The following CFTR variants were observed in gnomAD, a reference collection of about 807,000 sequenced individuals.
CFTR encodes the protein CF transmembrane conductance regulator.
In CFTR, 181 loss-of-function variants were observed where a neutral mutation model predicts 171.6. The ratio of observed to expected loss-of-function variants is 1.05; its 90% CI spans 0.93 to 1.19. CFTR has a LOEUF of 1.19. Ranked by LOEUF, CFTR falls within the 50% of genes most tolerant of loss-of-function variation. The pLI, the probability that CFTR is intolerant of heterozygous loss-of-function variation, is 0.00. For missense variants in CFTR, 1,968 were observed against 1,734.7 expected, an observed-to-expected ratio of 1.13 and a Z score of -2.39; for synonymous variants, 583 against 608.0, an observed-to-expected ratio of 0.96 and a Z score of 0.60.
At position 117,667,175 on chromosome 7, in the gene CFTR, A is replaced by G. The variant is rs1005946605; in HGVS notation, c.*67A>G. ...TTGGAGCTCGTGGGACAGTCACCTC[A>G]TGGAATTGGAGCTCGTGGAACAGTT... On this transcript the variant is annotated 3_prime_UTR_variant, in exon 27 of 27. Coordinates refer to ENST00000003084, the MANE Select transcript of CFTR (RefSeq NM_000492.4). 7.2e-7 allele frequency: 1 copy of G among 1,394,534 alleles called. No individual in the cohort carries two copies. Among genetic ancestry groups the G allele is most frequent in the Non-Finnish European group, 1.0e-6 (1 of 989,108 alleles). The allele number at this position is 1,394,534 out of a possible 1,614,324, so 86.4% of individuals were successfully genotyped here.
At chr7:117,635,475 ATATT>A (rs1446343532) in intron 22 of CFTR, among the ~76,000 whole-genome samples, 1 of 152,086 alleles carries the variant, frequency 6.6e-6, no homozygotes, top group Non-Finnish European at 1.5e-5. Context: ...AACATCTACT[ATATT>A]TATTACTGTT....
At chr7:117,577,121 A>C (rs757023250) in intron 11 of CFTR, among the ~76,000 whole-genome samples, 1 of 152,160 alleles carries the variant, frequency 6.6e-6, no homozygotes, top group Non-Finnish European at 1.5e-5. Context: ...CAGATGAAGT[A>C]GAGGACAGGC....
intron 21 of CFTR, among the ~76,000 whole-genome samples, chr7:117,621,386 G>A (rs1022389528): frequency 2.6e-5 from 4 of 152,124 alleles, no homozygotes; most frequent in Admixed American, 6.5e-5. Context: ...GGGCTGTATC[G>A]TCTTTATGAC....
intron 22 of CFTR, 66 bp from the exon 23 acceptor site, chr7:117,642,372 C>A: frequency 7.1e-7 from 1 of 1,417,160 alleles, no homozygotes; most frequent in Non-Finnish European, 1.0e-6. Context: ...AAGTACAATA[C>A]TGAATTATGT....
chr7:117,539,568 T>A (rs935783539), intron 7 of CFTR, among the ~76,000 whole-genome samples: 17 of 152,218 alleles, frequency 1.1e-4, no homozygotes, highest in African/African-American at 4.1e-4. Context: ...CACTTCTCTG[T>A]AGCTTATATG....
At chr7:117,653,830 C>A (rs577153189) in intron 24 of CFTR, among the ~76,000 whole-genome samples, 60 of 152,246 alleles carry the variant, frequency 3.9e-4, no homozygotes, top group African/African-American at 1.4e-3. Context: ...TAGAGTGGGA[C>A]TTAAGGTGTG....
chr7:117,593,545 T>C (rs1792069822), intron 14 of CFTR, among the ~76,000 whole-genome samples: 1 of 152,216 alleles, frequency 6.6e-6, no homozygotes, highest in South Asian at 2.1e-4. Context: ...TTCTAAACTT[T>C]ATGAAGGTTT....
chr7:117,626,716 T>C (rs1792656457), intron 21 of CFTR, among the ~76,000 whole-genome samples: 1 of 152,128 alleles, frequency 6.6e-6, no homozygotes, highest in Non-Finnish European at 1.5e-5. Flanking sequence ...ACTTATTATA[T>C]GCCAAGTTGT....
At chr7:117,630,522 C>T (rs1792724924) in intron 22 of CFTR, among the ~76,000 whole-genome samples, 1 of 152,098 alleles carries the variant, frequency 6.6e-6, no homozygotes, top group Non-Finnish European at 1.5e-5. Flanking sequence ...ATGAGTAGAG[C>T]AGGATTTTAT....
chr7:117,642,001 A>G (rs1284359672), intron 22 of CFTR, among the ~76,000 whole-genome samples: 2 of 152,174 alleles, frequency 1.3e-5, no homozygotes, highest in African/African-American at 4.8e-5. Context: ...TCAACATCTA[A>G]ATATTAGAAC....
chr7:117,634,978 G>A (rs887665802), intron 22 of CFTR, among the ~76,000 whole-genome samples: 4 of 152,030 alleles, frequency 2.6e-5, no homozygotes, highest in Non-Finnish European at 5.9e-5. Flanking sequence ...TTGATTGATG[G>A]TGCTGTTGAA....
chr7:117,534,222 A>C, intron 4 of CFTR, 54 bp from the exon 5 acceptor site: 1 of 806,198 alleles, frequency 1.2e-6, no homozygotes, highest in Non-Finnish European at 2.1e-6. Flanking sequence ...TTTTACTTAT[A>C]ATATATTTGT....
intron 2 of CFTR, among the ~76,000 whole-genome samples, chr7:117,504,738 A>T (rs915822716): frequency 1.2e-4 from 17 of 147,182 alleles, no homozygotes; most frequent in African/African-American, 3.9e-4. Context: ...TGGGTGACAC[A>T]GCAAAACCCT....
At chr7:117,651,501 A>G (rs571691608) in intron 23 of CFTR, among the ~76,000 whole-genome samples, 3 of 152,314 alleles carry the variant, frequency 2.0e-5, no homozygotes, top group African/African-American at 4.8e-5. Context: ...TTTTATTTAC[A>G]TAGAAGTTTG....
intron 19 of CFTR, 29 bp downstream of exon 19, chr7:117,610,698 T>C: frequency 6.2e-7 from 1 of 1,611,790 alleles, no homozygotes; most frequent in Non-Finnish European, 8.5e-7. Flanking sequence ...GATACTCATC[T>C]TGTAAAAAAG....
chr7:117,667,975 G>C lies in CFTR; in HGVS notation c.*867G>C, dbSNP rs1393757867. 6.6e-6 allele frequency: 1 copy of C among 152,286 alleles called. No individual in the cohort carries two copies. The highest frequency in any genetic ancestry group is 1.5e-5 in the Non-Finnish European group (1 of 68,146). The allele number at this position is 152,286 out of a possible 1,614,324, so 9.4% of individuals were successfully genotyped here. On this transcript the variant is annotated 3_prime_UTR_variant, in exon 27 of 27. Coordinates refer to ENST00000003084, the MANE Select transcript of CFTR (RefSeq NM_000492.4). ...AGTATGTTAGTGCAAATTGTCACAG[G>C]ACAGCCCTTCTTTCCACAGAAGCTC...
At chr7:117,601,444 T>C (rs1022169984) in intron 15 of CFTR, among the ~76,000 whole-genome samples, 7 of 152,138 alleles carry the variant, frequency 4.6e-5, no homozygotes, top group Admixed American at 2.6e-4. Flanking sequence ...TGAATTTAAC[T>C]AAAACTTATA....
chr7:117,570,617 C>G (rs371656493), intron 11 of CFTR, among the ~76,000 whole-genome samples: 5 of 152,178 alleles, frequency 3.3e-5, no homozygotes, highest in Middle Eastern at 3.4e-3. Context: ...TTGGTGGGAC[C>G]AGCAATACAA....
At chr7:117,491,540 A>G (rs960563758) in intron 1 of CFTR, among the ~76,000 whole-genome samples, 13 of 152,046 alleles carry the variant, frequency 8.6e-5, no homozygotes, top group Non-Finnish European at 1.5e-4. Context: ...GGAAGAGTCT[A>G]TTCCATGCCT....
Sources: gnomAD v4.1 joint callset for allele counts (sites outside exome capture counted in the v4.1 genomes callset) on GRCh38, gnomAD v4.1.1 for gene constraint, MANE v1.5 for transcripts, NCBI Gene and HGNC (gene_info 2026-07-23, HGNC 2026-07-21) for gene names.